The following SYT7 variants were observed in gnomAD, a reference collection of about 807,000 sequenced individuals.
SYT7 encodes the protein synaptotagmin-7.
Under a neutral mutation model 75.1 loss-of-function variants are expected in SYT7, and 29 were observed. The observed-to-expected ratio is 0.39, with a 90% CI of 0.29 to 0.53. The LOEUF (loss-of-function observed/expected upper bound fraction) is 0.53. SYT7 is among the 20% of genes least tolerant of loss of function. The pLI is 0.77. For synonymous variants in SYT7, 376 were observed against 401.7 expected, an observed-to-expected ratio of 0.94 and a Z score of 0.76; for missense variants, 693 against 953.2, an observed-to-expected ratio of 0.73 and a Z score of 3.59.
chr11:61,556,053 G>T (rs2063493115), intron 2 of SYT7, 51 bp downstream of exon 2: 3 of 1,462,152 alleles, frequency 2.1e-6, no homozygotes, highest in Non-Finnish European at 2.9e-6. Flanking sequence ...GGGAGGGGGG[G>T]CAGTGTGCAG....
At position 61,514,675 on chromosome 11, in the gene SYT7, C is replaced by T. The variant is rs2062111367; in HGVS notation, c.*3952G>A. On this transcript the variant is annotated 3_prime_UTR_variant, in exon 13 of 13. Transcript: ENST00000539008. ...AGAAGAAACAGGTGGAAGGAAAGAG[C>T]TTGCCCAGGGCCACAGAGGCTGCAG... Among the ~76,000 whole-genome samples, 1 of 152,166 alleles carries T rather than the reference C, an allele frequency of 6.6e-6. No homozygotes were observed. Among genetic ancestry groups the T allele is most frequent in the African/African-American group, 2.4e-5 (1 of 41,432 alleles).
intron 1 of SYT7, among the ~76,000 whole-genome samples, chr11:61,569,886 T>C (rs1590947135): frequency 6.6e-6 from 1 of 152,186 alleles, no homozygotes; most frequent in South Asian, 2.1e-4. Context: ...CAGCTGGGCC[T>C]GCACACCCTC....
intron 1 of SYT7, among the ~76,000 whole-genome samples, chr11:61,578,141 C>T (rs372443463): frequency 6.6e-6 from 1 of 152,334 alleles, no homozygotes; most frequent in East Asian, 1.9e-4. Context: ...GGGTTCTTCA[C>T]TGGACTCCGA....
intron 1 of SYT7, among the ~76,000 whole-genome samples, chr11:61,577,618 C>T (rs2064119410): frequency 6.6e-6 from 1 of 152,232 alleles, no homozygotes; most frequent in South Asian, 2.1e-4. Flanking sequence ...GGATCCTTCA[C>T]CTTGAGAGAA....
intron 9 of SYT7, 57 bp downstream of exon 9, chr11:61,527,857 AG>A: frequency 1.3e-6 from 2 of 1,588,530 alleles, no homozygotes. Flanking sequence ...GTGGTTGGGT[AG>A]GGGGATGGTA....
At chr11:61,578,031 A>G (rs2064133052) in intron 1 of SYT7, among the ~76,000 whole-genome samples, 1 of 152,130 alleles carries the variant, frequency 6.6e-6, no homozygotes, top group African/African-American at 2.4e-5. Context: ...AGAGGCCGTG[A>G]AGTCTGGGAG....
chr11:61,538,151 C>T lies in SYT7; in HGVS notation c.1057G>A (p.Asp353Asn), dbSNP rs1379449743. The T allele has an allele frequency of 2.0e-6, 3 of 1,536,028 alleles. No individual in the cohort carries two copies. Among genetic ancestry groups the T allele is most frequent in the Non-Finnish European group, 2.6e-6 (3 of 1,146,822 alleles). ...GTQQNQNAQGDKRLPAGGKAV... is the reference protein window; with the variant it reads ...GTQQNQNAQGNKRLPAGGKAV... Reference sequence around the variant, plus strand: ...CCTCGCCTGTGCTCGTACCTCTTGTCCCCCTGAGCGTTCTGGTTCTGCTGG... The same window carrying T: ...CCTCGCCTGTGCTCGTACCTCTTGTTCCCCTGAGCGTTCTGGTTCTGCTGG... Residue 353 changes from aspartate (D) to asparagine (N), a missense_variant, in exon 7 of 13, where the codon GAC becomes AAC. Around this residue, in one of 2 missense-constraint regions of SYT7, gnomAD observed 487 missense variants for 593.2 expected, o/e 0.82. Coordinates refer to ENST00000539008, the MANE Select transcript of SYT7 (RefSeq NM_001365809.2).
At chr11:61,579,831 T>C (rs981982039) in intron 1 of SYT7, among the ~76,000 whole-genome samples, 1 of 152,308 alleles carries the variant, frequency 6.6e-6, no homozygotes, top group South Asian at 2.1e-4. Flanking sequence ...AAACAGACCC[T>C]GATGCCAGAA....
At position 61,523,297 on chromosome 11, in the gene SYT7, GT is replaced by G; in HGVS notation, c.1757-24del. 1 of 1,610,014 alleles carries G rather than the reference GT, an allele frequency of 6.2e-7. No individual in the cohort carries two copies. Among genetic ancestry groups the G allele is most frequent in the Non-Finnish European group, 8.5e-7 (1 of 1,176,342 alleles). On this transcript the variant is annotated intron_variant, in intron 11 of 12. Coordinates refer to ENST00000539008, the MANE Select transcript of SYT7 (RefSeq NM_001365809.2). The surrounding 1 kb of genome is among the most constrained non-coding windows in gnomAD (Gnocchi z 5.0). ...GGTCTAGGGGAGGGAGTGGGGAAGG[GT>G]TAGAGGGACCGTGGGGGAGGGACTT...
chr11:61,515,399 G>A lies in SYT7; in HGVS notation c.*3228C>T, dbSNP rs2062123782. 6.6e-6 allele frequency: 1 copy of A among 151,824 alleles called. No homozygotes were observed. The highest frequency in any genetic ancestry group is 2.1e-4 in the South Asian group (1 of 4,830). The allele number at this position is 151,824 out of a possible 1,614,324, so 9.4% of individuals were successfully genotyped here. A position where few individuals can be genotyped will look rare whatever the true frequency, so the allele number is the denominator to read the frequency against. On this transcript the variant is annotated 3_prime_UTR_variant, in exon 13 of 13. Coordinates refer to ENST00000539008, the MANE Select transcript of SYT7 (RefSeq NM_001365809.2). ...CCACAAAAATATGATTTTGCAAAGA[G>A]GAAATCTTGCTGGCTTAGAGGGTAT...
chr11:61,557,779 C>G (rs2063535936), intron 1 of SYT7, among the ~76,000 whole-genome samples: 1 of 152,276 alleles, frequency 6.6e-6, no homozygotes, highest in Admixed American at 6.5e-5. Flanking sequence ...AACCTGCAAT[C>G]ACCAAGGTCC....
chr11:61,563,247 G>C (rs906851546), intron 1 of SYT7, among the ~76,000 whole-genome samples: 6 of 152,206 alleles, frequency 3.9e-5, no homozygotes, highest in African/African-American at 1.4e-4. Context: ...ATATATTGTA[G>C]ACATGGAGGC....
At chr11:61,577,424 ACAGT>A (rs1457632278) in intron 1 of SYT7, among the ~76,000 whole-genome samples, 1 of 152,228 alleles carries the variant, frequency 6.6e-6, no homozygotes, top group Admixed American at 6.5e-5. Context: ...ATGGGTGGAC[ACAGT>A]CAGGCCTCCT....
At chr11:61,545,564 G>A (rs1473224795) in intron 5 of SYT7, among the ~76,000 whole-genome samples, 1 of 152,236 alleles carries the variant, frequency 6.6e-6, no homozygotes, top group Non-Finnish European at 1.5e-5. Flanking sequence ...TCAACTTCTG[G>A]GTCTAGAGCC....
upstream of SYT7, chr11:61,581,249 C>T (rs944641457): frequency 1.4e-5 from 2 of 147,106 alleles, no homozygotes; most frequent in Non-Finnish European, 3.0e-5. Flanking sequence ...CGCCCGCCGC[C>T]GCCCGAAGCC....
chr11:61,563,745 A>C (rs1464731562), intron 1 of SYT7, among the ~76,000 whole-genome samples: 1 of 152,164 alleles, frequency 6.6e-6, no homozygotes, highest in Non-Finnish European at 1.5e-5. Context: ...AGGCAACTAG[A>C]CAAAGATGGT....
At chr11:61,525,316 G>A (rs1336760181) in intron 9 of SYT7, among the ~76,000 whole-genome samples, 1 of 152,104 alleles carries the variant, frequency 6.6e-6, no homozygotes, top group African/African-American at 2.4e-5. Flanking sequence ...ATAAAAGCCG[G>A]GCACCCTACC....
chr11:61,562,977 G>A (rs534271217), intron 1 of SYT7, among the ~76,000 whole-genome samples: 1 of 152,294 alleles, frequency 6.6e-6, no homozygotes, highest in South Asian at 2.1e-4. Flanking sequence ...CAGCTGCCCA[G>A]AGGGGAACGG....
chr11:61,554,307 C>G (rs1015898586), intron 2 of SYT7, among the ~76,000 whole-genome samples: 1 of 152,106 alleles, frequency 6.6e-6, no homozygotes, highest in Non-Finnish European at 1.5e-5. Context: ...CACACCCACA[C>G]CCACACACAC....
Sources: allele counts gnomAD v4.1 joint callset (sites outside exome capture counted in the v4.1 genomes callset), GRCh38; gene constraint gnomAD v4.1.1; regional missense constraint gnomAD v4.1.1; non-coding constraint Gnocchi (gnomAD v3.1); transcripts MANE v1.5; gene names NCBI Gene and HGNC (gene_info 2026-07-23, HGNC 2026-07-21).